Variants in FOXN3 observed in about 807,000 individuals in gnomAD.
The protein encoded by FOXN3 is forkhead box N3.
Under a neutral mutation model 38.4 loss-of-function variants are expected in FOXN3, and 7 were observed. That is an observed-to-expected ratio of 0.18 (90% CI 0.10 to 0.34). The LOEUF is 0.34. FOXN3 is among the 10% of genes least tolerant of loss of function. FOXN3 has a pLI of 1.00. For synonymous variants in FOXN3, 230 were observed against 242.2 expected, an observed-to-expected ratio of 0.95 and a Z score of 0.47; for missense variants, 456 against 613.4, an observed-to-expected ratio of 0.74 and a Z score of 2.71.
intron 4 of FOXN3, among the ~76,000 whole-genome samples, chr14:89,243,943 G>A (rs57167782): frequency 2.4e-4 from 37 of 152,254 alleles, no homozygotes; most frequent in African/African-American, 7.2e-4. Context: ...GCTCCAACTC[G>A]CAGGAGAATG....
intron 3 of FOXN3, among the ~76,000 whole-genome samples, chr14:89,326,923 A>G (rs1422168540): frequency 6.6e-6 from 1 of 152,208 alleles, no homozygotes; most frequent in Non-Finnish European, 1.5e-5. Context: ...CGTGCCTGAC[A>G]TTGTGATCCA....
chr14:89,448,315 G>T (rs970139845), intron 1 of FOXN3, among the ~76,000 whole-genome samples: 1 of 152,126 alleles, frequency 6.6e-6, no homozygotes, highest in East Asian at 1.9e-4. Context: ...TGATTTGTGG[G>T]AAGAAAATGG....
At chr14:89,274,401 G>A (rs1886239005) in intron 4 of FOXN3, among the ~76,000 whole-genome samples, 1 of 152,210 alleles carries the variant, frequency 6.6e-6, no homozygotes, top group Non-Finnish European at 1.5e-5. Context: ...AACATTGAAG[G>A]CTAAAGCTGA....
At chr14:89,438,116 A>C (rs545329475) in intron 1 of FOXN3, among the ~76,000 whole-genome samples, 4 of 152,370 alleles carry the variant, frequency 2.6e-5, no homozygotes, top group Admixed American at 2.0e-4. Context: ...TTAGAAAATT[A>C]AAGTGTCAAT....
Position 89,316,669 on chromosome 14 carries a change from A to ATTTT in FOXN3, c.680+33999_680+34002dup, listed in dbSNP as rs546352695. Reference sequence around the variant, plus strand: ...AGCCACTGCGCCCAGCCTATGATGAATTTTTTTTTTTTTTGAGATGGAGTC... The same window carrying ATTTT: ...AGCCACTGCGCCCAGCCTATGATGAATTTTTTTTTTTTTTTTTTGAGATGGAGTC... On this transcript the variant is annotated intron_variant, in intron 3 of 5. Transcript: ENST00000557258. 6.3e-3 allele frequency among the ~76,000 whole-genome samples: 853 copies of ATTTT among 135,334 alleles called. 14 individuals carry two copies. The highest frequency in any genetic ancestry group is 0.022 in the African/African-American group (813 of 36,868). 88.8% of individuals were successfully genotyped at this position (135,334 alleles called of 152,430 possible).
intron 1 of FOXN3, among the ~76,000 whole-genome samples, chr14:89,464,856 C>T (rs1352684343): frequency 6.6e-6 from 1 of 152,070 alleles, no homozygotes; most frequent in Admixed American, 6.6e-5. Context: ...CACCACCACG[C>T]CCGGCTAATT....
chr14:89,501,093 T>A (rs1893789227), intron 1 of FOXN3, among the ~76,000 whole-genome samples: 1 of 152,186 alleles, frequency 6.6e-6, no homozygotes. Flanking sequence ...GACACAGATA[T>A]CTAGCCATCG....
chr14:89,285,703 G>A (rs1886608398), intron 3 of FOXN3, among the ~76,000 whole-genome samples: 1 of 152,102 alleles, frequency 6.6e-6, no homozygotes. Flanking sequence ...AGAGGCTCAT[G>A]GAAGGAGGAG....
At chr14:89,318,496 T>C (rs912874178) in intron 3 of FOXN3, among the ~76,000 whole-genome samples, 1 of 152,086 alleles carries the variant, frequency 6.6e-6, no homozygotes, top group Admixed American at 6.6e-5. Flanking sequence ...CAGCAATTGG[T>C]TATTAAAAAG....
At chr14:89,451,179 A>C (rs1892606344) in intron 1 of FOXN3, among the ~76,000 whole-genome samples, 1 of 152,192 alleles carries the variant, frequency 6.6e-6, no homozygotes, top group South Asian at 2.1e-4. Flanking sequence ...GAATACCCCA[A>C]ATCAGACATA....
At chr14:89,290,727 C>G in intron 3 of FOXN3, 1 of 342,554 alleles carries the variant, frequency 2.9e-6, no homozygotes, top group Admixed American at 3.8e-5. Flanking sequence ...CGTACTTTGC[C>G]CTCCGTGAGC....
At chr14:89,344,929 C>T (rs906870980) in intron 3 of FOXN3, among the ~76,000 whole-genome samples, 7 of 152,130 alleles carry the variant, frequency 4.6e-5, no homozygotes, top group African/African-American at 1.7e-4. Context: ...GCTCAGTGGA[C>T]TTTTCCGAAG....
intron 3 of FOXN3, among the ~76,000 whole-genome samples, chr14:89,295,953 C>T (rs1334765292): frequency 6.6e-6 from 1 of 151,820 alleles, no homozygotes; most frequent in Non-Finnish European, 1.5e-5. Context: ...AGAAACTAGC[C>T]TATAGTAACA....
At chr14:89,579,252 G>C (rs1175049082) in intron 1 of FOXN3, among the ~76,000 whole-genome samples, 1 of 151,576 alleles carries the variant, frequency 6.6e-6, no homozygotes, top group African/African-American at 2.4e-5. Flanking sequence ...CTGGGCTCAA[G>C]GGATCCTCCC....
chr14:89,615,200 A>G (rs1326659574), intron 1 of FOXN3, among the ~76,000 whole-genome samples: 2 of 147,636 alleles, frequency 1.4e-5, no homozygotes, highest in African/African-American at 5.0e-5. Context: ...GTTATAAGCA[A>G]TGAGAAGAAT....
intron 2 of FOXN3, among the ~76,000 whole-genome samples, chr14:89,405,523 T>A (rs1267092094): frequency 6.6e-6 from 1 of 152,010 alleles, no homozygotes. Context: ...AGACAATTTG[T>A]ATCAACAGTG....
intron 1 of FOXN3, among the ~76,000 whole-genome samples, chr14:89,438,253 G>A (rs1004074212): frequency 2.0e-5 from 3 of 152,250 alleles, no homozygotes; most frequent in African/African-American, 7.2e-5. Context: ...TGGGCCCTGG[G>A]ATGGGTCCCA....
chr14:89,308,842 G>A (rs1171055054), intron 3 of FOXN3, among the ~76,000 whole-genome samples: 2 of 152,180 alleles, frequency 1.3e-5, no homozygotes, highest in Non-Finnish European at 2.9e-5. Context: ...AGGAGGCAGC[G>A]AAGGACAGGT....
chr14:89,573,770 C>G (rs1429942130), intron 1 of FOXN3, among the ~76,000 whole-genome samples: 1 of 152,120 alleles, frequency 6.6e-6, no homozygotes, highest in Non-Finnish European at 1.5e-5. Context: ...CTAAAGGCCA[C>G]AAGAGGATTA....
Sources: allele counts gnomAD v4.1 joint callset (sites outside exome capture counted in the v4.1 genomes callset), GRCh38; gene constraint gnomAD v4.1.1; transcripts MANE v1.5; gene names NCBI Gene and HGNC (gene_info 2026-07-23, HGNC 2026-07-21).